ANXA4: variants seen among roughly 807,000 people sequenced by gnomAD.
The protein encoded by ANXA4 is 35-beta calcimedin.
A neutral mutation model predicts 49.8 loss-of-function variants in ANXA4; 39 were observed. That is an observed-to-expected ratio of 0.78 (90% CI 0.61 to 1.02). The LOEUF is 1.02. Among genes scored for constraint, ANXA4 ranks in the 50% least tolerant of loss-of-function variants. The pLI is 0.00. For missense variants in ANXA4, 360 were observed against 410.1 expected (o/e 0.88, Z 1.05); for synonymous variants, 134 against 152.5 (o/e 0.88, Z 0.89).
chr2:69,705,233 C>G (rs1678449871), intron 2 of ANXA4, among the ~76,000 whole-genome samples: 1 of 151,848 alleles, frequency 6.6e-6, no homozygotes, highest in Non-Finnish European at 1.5e-5. Flanking sequence ...GAAGTCTGGG[C>G]TTCAGTGAGC....
intron 1 of ANXA4, among the ~76,000 whole-genome samples, chr2:69,746,096 C>T (rs1670600562): frequency 6.6e-6 from 1 of 151,870 alleles, no homozygotes; most frequent in Non-Finnish European, 1.5e-5. Context: ...ACTGCAACCT[C>T]TGCCTCCCAG....
intron 3 of ANXA4, among the ~76,000 whole-genome samples, chr2:69,731,979 T>TC (rs1491582376): frequency 9.4e-6 from 1 of 106,440 alleles, no homozygotes; most frequent in African/African-American, 4.5e-5. Flanking sequence ...TTCTTTTCTT[T>TC]CTTTTTTTTT....
At chr2:69,656,866 G>A (rs1261526087) in intron 2 of ANXA4, among the ~76,000 whole-genome samples, 5 of 152,008 alleles carry the variant, frequency 3.3e-5, no homozygotes, top group Non-Finnish European at 5.9e-5. Context: ...TCTTGCTGGT[G>A]TAACAGGAGG....
chr2:69,724,306 A>C (rs1201851233), intron 3 of ANXA4, among the ~76,000 whole-genome samples: 1 of 152,196 alleles, frequency 6.6e-6, no homozygotes, highest in East Asian at 1.9e-4. Context: ...GGGCTGCAGC[A>C]CATGGTCGTG....
At chr2:69,684,098 G>A (rs951577076) in intron 2 of ANXA4, among the ~76,000 whole-genome samples, 2 of 152,036 alleles carry the variant, frequency 1.3e-5, no homozygotes, top group East Asian at 1.9e-4. Flanking sequence ...TGTGATTTGC[G>A]AGCTCAGAAG....
intron 2 of ANXA4, among the ~76,000 whole-genome samples, chr2:69,785,393 T>C (rs374989306): frequency 5.9e-5 from 9 of 152,216 alleles, no homozygotes; most frequent in African/African-American, 2.2e-4. Flanking sequence ...CAGAAAACTT[T>C]AGCTCTATTC....
intron 1 of ANXA4, among the ~76,000 whole-genome samples, chr2:69,647,478 G>T (rs779555750): frequency 1.3e-5 from 2 of 151,258 alleles, no homozygotes; most frequent in Non-Finnish European, 2.9e-5. Flanking sequence ...GCGTGATCTC[G>T]TCTCACTGCA....
chr2:69,651,511 T>C (rs924311053), intron 1 of ANXA4, among the ~76,000 whole-genome samples: 4 of 152,098 alleles, frequency 2.6e-5, no homozygotes, highest in Non-Finnish European at 4.4e-5. Context: ...TTGTTGTTGT[T>C]GTTGTTTTTG....
chr2:69,655,350 A>G (rs532505048), intron 2 of ANXA4, among the ~76,000 whole-genome samples: 1 of 152,192 alleles, frequency 6.6e-6, no homozygotes, highest in Non-Finnish European at 1.5e-5. Context: ...AGACAACCCA[A>G]TCAAAAAGTG....
Position 69,790,492 on chromosome 2 carries a change from G to T in ANXA4, c.97+2351G>T, listed in dbSNP as rs538539397. ...GGTTTAGAATATAGGTTCTAAATAT[G>T]AGTATTAAGATTACTATTATTAATG... On this transcript the variant is annotated intron_variant, in intron 3 of 12. Coordinates refer to ENST00000394295, the MANE Select transcript of ANXA4 (RefSeq NM_001153.5). Among the ~76,000 whole-genome samples the T allele has an allele frequency of 3.3e-5, 5 of 152,278 alleles. No homozygotes were observed. The South Asian group carries it at 1.0e-3, about 32-fold the overall frequency.
intron 1 of ANXA4, among the ~76,000 whole-genome samples, chr2:69,774,187 T>C (rs1237165443): frequency 2.0e-5 from 3 of 152,106 alleles, no homozygotes; most frequent in African/African-American, 7.2e-5. Flanking sequence ...TCTCTGTGCC[T>C]TTCTCCATTC....
chr2:69,648,698 C>T (rs905372511), intron 1 of ANXA4, among the ~76,000 whole-genome samples: 2 of 151,494 alleles, frequency 1.3e-5, no homozygotes, highest in African/African-American at 4.8e-5. Flanking sequence ...GTGGCATGCA[C>T]CTGTAATACC....
intron 2 of ANXA4, among the ~76,000 whole-genome samples, chr2:69,697,067 G>T (rs1429041952): frequency 3.9e-5 from 6 of 152,148 alleles, no homozygotes; most frequent in Non-Finnish European, 8.8e-5. Context: ...TTGAAGCTAG[G>T]CATTGACTTC....
At chr2:69,711,466 T>C (rs1395485341) in intron 2 of ANXA4, among the ~76,000 whole-genome samples, 7 of 152,198 alleles carry the variant, frequency 4.6e-5, no homozygotes, top group Non-Finnish European at 7.3e-5. Flanking sequence ...ACTGTATAAA[T>C]CCATTTATAT....
chr2:69,701,386 C>T (rs112035188), intron 2 of ANXA4, among the ~76,000 whole-genome samples: 21,786 of 152,026 alleles, frequency 0.14, 2,219 homozygotes, highest in East Asian at 0.37. Context: ...CGTGTCCCTC[C>T]CGCTAGCAAA....
At chr2:69,756,927 AATT>A (rs1276805847) in intron 1 of ANXA4, among the ~76,000 whole-genome samples, 1 of 105,856 alleles carries the variant, frequency 9.4e-6, no homozygotes, top group Non-Finnish European at 1.9e-5. Flanking sequence ...TTAATTAATT[AATT>A]ATTATTTTTT....
chr2:69,664,340 T>C (rs978036248), intron 2 of ANXA4, among the ~76,000 whole-genome samples: 7 of 152,150 alleles, frequency 4.6e-5, no homozygotes, highest in African/African-American at 1.7e-4. Flanking sequence ...AAAGCTTTTG[T>C]GTGTGTGTTT....
At chr2:69,740,614 G>T (rs1259524084), upstream of ANXA4, among the ~76,000 whole-genome samples, 2 of 149,506 alleles carry the variant, frequency 1.3e-5, no homozygotes, top group Admixed American at 6.7e-5. Context: ...CTATGCACCC[G>T]GCTAATTATT....
intron 2 of ANXA4, among the ~76,000 whole-genome samples, chr2:69,786,846 T>TGGGCTCAA (rs1168445319): frequency 6.6e-6 from 1 of 152,040 alleles, no homozygotes; most frequent in Non-Finnish European, 1.5e-5. Flanking sequence ...CTCAGCTTCC[T>TGGGCTCAA]GAGTAGCTGG....
Sources: allele counts gnomAD v4.1 joint callset (sites outside exome capture counted in the v4.1 genomes callset), GRCh38; gene constraint gnomAD v4.1.1; transcripts MANE v1.5; gene names NCBI Gene and HGNC (gene_info 2026-07-23, HGNC 2026-07-21).